The following DDC variants were observed in gnomAD, a reference collection of about 807,000 sequenced individuals.
DDC encodes aromatic-L-amino-acid decarboxylase.
A neutral mutation model predicts 60.0 loss-of-function variants in DDC; 43 were observed. That is an observed-to-expected ratio of 0.72 (90% CI 0.56 to 0.92). The LOEUF (loss-of-function observed/expected upper bound fraction) is 0.92, where lower values mean the gene tolerates loss of function less well. Among genes scored for constraint, DDC ranks in the 40% least tolerant of loss-of-function variants. DDC has a pLI of 0.00. For synonymous variants in DDC, 232 were observed against 234.6 expected (o/e 0.99, Z 0.10); for missense variants, 573 against 620.2 (o/e 0.92, Z 0.81).
chr7:50,527,556 C>T (rs1341512335), intron 6 of DDC: 1 of 152,562 alleles, frequency 6.6e-6, no homozygotes, highest in African/African-American at 2.4e-5. Flanking sequence ...AGCTTCTGTT[C>T]AGTGCCAGGC....
chr7:50,462,790 G>A (rs1275733070), intron 14 of DDC, among the ~76,000 whole-genome samples: 2 of 52,712 alleles, frequency 3.8e-5, no homozygotes, highest in African/African-American at 1.4e-4. Context: ...TTTTTTTTTT[G>A]GACTGAGTCC....
chr7:50,509,436 T>C (rs1478849200), intron 6 of DDC, among the ~76,000 whole-genome samples: 1 of 152,240 alleles, frequency 6.6e-6, no homozygotes, highest in Non-Finnish European at 1.5e-5. Context: ...CTCCTTCACA[T>C]GCACAGATAA....
At chr7:50,478,085 C>T (rs957762839) in intron 10 of DDC, among the ~76,000 whole-genome samples, 1 of 151,678 alleles carries the variant, frequency 6.6e-6, no homozygotes, top group Admixed American at 6.6e-5. Context: ...TTGTGCTGTA[C>T]GTCTGTGGTC....
chr7:50,503,954 A>T, intron 7 of DDC, 39 bp downstream of exon 7: 1 of 1,436,898 alleles, frequency 7.0e-7, no homozygotes, highest in Non-Finnish European at 9.8e-7. Flanking sequence ...CCGTGTACAG[A>T]GAACATTTTC....
At chr7:50,540,085 G>A (rs951853331) in intron 2 of DDC, 57 bp from the exon 3 acceptor site, 17 of 1,401,876 alleles carry the variant, frequency 1.2e-5, no homozygotes, top group South Asian at 2.4e-5. Context: ...CCTCAAGAGA[G>A]CGGGGGACCC....
At chr7:50,499,985 G>A (rs567674047) in intron 7 of DDC, among the ~76,000 whole-genome samples, 6 of 152,306 alleles carry the variant, frequency 3.9e-5, no homozygotes, top group African/African-American at 1.4e-4. Context: ...TAGGCCCAAG[G>A]GATGAGCAAG....
intron 9 of DDC, among the ~76,000 whole-genome samples, chr7:50,481,727 C>T (rs987921954): frequency 1.3e-5 from 2 of 152,168 alleles, no homozygotes; most frequent in Non-Finnish European, 2.9e-5. Context: ...CCTACTCTTA[C>T]ATAGTTCTAC....
chr7:50,528,203 G>A lies in DDC; in HGVS notation c.648C>T (p.Ala216=). The change falls in exon 6 of 15, where the codon GCC becomes GCT. Residue 216 remains alanine, a synonymous_variant. Coordinates refer to ENST00000444124, the MANE Select transcript of DDC (RefSeq NM_001082971.2). ...CTTCCTGCAGGGCAGACGCACGCATGGCGAAGTTGCCATCTGAGGGGATGG... is the reference window on the plus strand; with the variant it reads ...CTTCCTGCAGGGCAGACGCACGCATAGCGAAGTTGCCATCTGAGGGGATGG... The part of the protein sequence containing the change: ...LKAIPSDGNF[A]MRASALQEAL... The A allele has an allele frequency of 6.2e-7, 1 of 1,614,118 alleles. No individual in the cohort carries two copies. The highest frequency in any genetic ancestry group is 1.1e-5 in the South Asian group (1 of 91,084).
intron 9 of DDC, chr7:50,492,977 G>A (rs564535074): frequency 6.3e-7 from 1 of 1,598,300 alleles, no homozygotes; most frequent in African/African-American, 1.3e-5. Flanking sequence ...GTTTTCTTCA[G>A]CCTTAACATA....
chr7:50,470,322 G>T lies in DDC; in HGVS notation c.1042-151C>A. The T allele has an allele frequency of 1.7e-5, 12 of 708,374 alleles. No homozygotes were observed. In the South Asian group the frequency reaches 1.8e-4, roughly 11 times the overall value. 43.9% of individuals were successfully genotyped at this position (708,374 alleles called of 1,614,324 possible). Reference sequence around the variant, plus strand: ...TGCCATGGCCTGTCTTGGATGGCAGGGCCCTCGGTGATGTGGGCAGAGGCT... The same window carrying T: ...TGCCATGGCCTGTCTTGGATGGCAGTGCCCTCGGTGATGTGGGCAGAGGCT... On this transcript the variant is annotated intron_variant, in intron 11 of 14. Transcript: ENST00000444124.
chr7:50,468,933 T>G (rs2042464446), intron 12 of DDC, among the ~76,000 whole-genome samples: 1 of 23,240 alleles, frequency 4.3e-5, no homozygotes, highest in Admixed American at 7.0e-4. Context: ...GTTTCCTCAT[T>G]TTTTTTTTTT....
chr7:50,499,512 C>T (rs554322448), intron 7 of DDC, among the ~76,000 whole-genome samples: 2 of 152,306 alleles, frequency 1.3e-5, no homozygotes, highest in South Asian at 2.1e-4. Flanking sequence ...AGTGTAACTC[C>T]AAGGGACCAT....
chr7:50,565,247 C>G (rs1044377114), intron 1 of DDC, 38 bp downstream of exon 1: 4 of 152,224 alleles, frequency 2.6e-5, no homozygotes, highest in Admixed American at 1.3e-4. Context: ...CTGTTTTCCA[C>G]TACTACAATC....
chr7:50,525,261 T>A (rs529513771), intron 6 of DDC, among the ~76,000 whole-genome samples: 15 of 152,224 alleles, frequency 9.9e-5, no homozygotes, highest in Admixed American at 8.5e-4. Flanking sequence ...ATTTCAGTAT[T>A]CTCATTGGCA....
At chr7:50,507,189 T>C (rs1327674821) in intron 6 of DDC, among the ~76,000 whole-genome samples, 1 of 152,206 alleles carries the variant, frequency 6.6e-6, no homozygotes, top group Admixed American at 6.5e-5. Flanking sequence ...AGTTTAGCAA[T>C]TCCTTCTGTT....
At chr7:50,462,052 A>G (rs1446109544) in intron 14 of DDC, among the ~76,000 whole-genome samples, 2 of 152,166 alleles carry the variant, frequency 1.3e-5, no homozygotes, top group Admixed American at 1.3e-4. Flanking sequence ...TAAAATCAAC[A>G]GCAAAGAAGA....
chr7:50,501,936 T>C (rs923201430), intron 7 of DDC, among the ~76,000 whole-genome samples: 3 of 152,064 alleles, frequency 2.0e-5, no homozygotes, highest in Admixed American at 6.6e-5. Context: ...TAGCCAGGCA[T>C]GATGGCATGT....
intron 9 of DDC, among the ~76,000 whole-genome samples, chr7:50,485,684 C>T (rs1329158306): frequency 6.6e-6 from 1 of 152,114 alleles, no homozygotes; most frequent in Non-Finnish European, 1.5e-5. Context: ...TATCTGTGTT[C>T]TATTGTGTTA....
chr7:50,505,098 G>A (rs117355372), intron 6 of DDC, among the ~76,000 whole-genome samples: 1,690 of 152,308 alleles, frequency 0.011, 21 homozygotes, highest in Middle Eastern at 0.037. Flanking sequence ...GAGCTCTGAG[G>A]ACCTTGTGGT....
Sources: allele counts gnomAD v4.1 joint callset (sites outside exome capture counted in the v4.1 genomes callset), GRCh38; gene constraint gnomAD v4.1.1; transcripts MANE v1.5; gene names NCBI Gene and HGNC (gene_info 2026-07-23, HGNC 2026-07-21).